Variants in PRKG1 observed in about 807,000 individuals in gnomAD.
PRKG1 encodes the protein cGMP-dependent protein kinase 1.
Under a neutral mutation model 88.1 loss-of-function variants are expected in PRKG1, and 35 were observed. The ratio of observed to expected loss-of-function variants is 0.40; its 90% CI spans 0.30 to 0.53. PRKG1 has a LOEUF of 0.53. Among genes scored for constraint, PRKG1 ranks in the 20% least tolerant of loss-of-function variants. The pLI, the probability that PRKG1 is intolerant of heterozygous loss-of-function variation, is 0.59. For synonymous variants in PRKG1, 303 were observed against 292.5 expected, an observed-to-expected ratio of 1.04 and a Z score of -0.37; for missense variants, 540 against 839.8, an observed-to-expected ratio of 0.64 and a Z score of 4.41.
At chr10:51,736,268 T>A (rs934803983) in intron 3 of PRKG1, among the ~76,000 whole-genome samples, 3 of 152,024 alleles carry the variant, frequency 2.0e-5, no homozygotes, top group African/African-American at 4.8e-5. Context: ...TTTAAAAAAA[T>A]TATTTATTAT....
At chr10:51,473,299 T>A (rs907338974) in intron 3 of PRKG1, among the ~76,000 whole-genome samples, 3 of 152,002 alleles carry the variant, frequency 2.0e-5, no homozygotes, top group African/African-American at 7.2e-5. Flanking sequence ...AGCCATGTTT[T>A]AATCTCATTT....
intron 2 of PRKG1, among the ~76,000 whole-genome samples, chr10:51,191,042 G>T (rs1837618694): frequency 6.6e-6 from 1 of 151,782 alleles, no homozygotes; most frequent in South Asian, 2.1e-4. Flanking sequence ...GTACAGCAGG[G>T]GCTGGAAAAT....
chr10:51,654,959 G>C (rs941915072), intron 3 of PRKG1, among the ~76,000 whole-genome samples: 1 of 152,106 alleles, frequency 6.6e-6, no homozygotes, highest in African/African-American at 2.4e-5. Flanking sequence ...TCAATCTTTT[G>C]TGAGGAAATT....
intron 3 of PRKG1, chr10:51,696,823 C>T (rs749005741): frequency 6.6e-6 from 1 of 152,070 alleles, no homozygotes; most frequent in Non-Finnish European, 1.5e-5. Context: ...CCATTTATAA[C>T]TCATCTAGAT....
intron 1 of PRKG1, among the ~76,000 whole-genome samples, chr10:51,125,541 G>A (rs1845373857): frequency 6.7e-6 from 1 of 149,608 alleles, no homozygotes; most frequent in South Asian, 2.1e-4. Flanking sequence ...AATTAGCTGG[G>A]CATGATGGCG....
chr10:51,729,932 C>G (rs1160619050), intron 3 of PRKG1, among the ~76,000 whole-genome samples: 1 of 152,034 alleles, frequency 6.6e-6, no homozygotes, highest in African/African-American at 2.4e-5. Flanking sequence ...CTCCCTGCTC[C>G]CATACCACAT....
chr10:51,909,740 G>A (rs762222892), intron 5 of PRKG1: 3 of 151,926 alleles, frequency 2.0e-5, no homozygotes. Context: ...AAAATCAGGA[G>A]CTTTTTGCTT....
At chr10:51,336,050 A>C (rs1331765486) in intron 2 of PRKG1, among the ~76,000 whole-genome samples, 1 of 152,210 alleles carries the variant, frequency 6.6e-6, no homozygotes, top group Non-Finnish European at 1.5e-5. Context: ...ACCAAAAATC[A>C]ATTAGAGAGC....
chr10:51,412,209 GAGAGAAAGAA>G (rs565786002), intron 2 of PRKG1, among the ~76,000 whole-genome samples: 23,240 of 125,164 alleles, frequency 0.19, 1,836 homozygotes, highest in Middle Eastern at 0.21. Context: ...GAGAGAGAGA[GAGAGAAAGAA>G]AGAGAGAAAG....
chr10:51,204,635 A>G (rs1257614074), intron 2 of PRKG1, among the ~76,000 whole-genome samples: 1 of 152,100 alleles, frequency 6.6e-6, no homozygotes, highest in East Asian at 1.9e-4. Context: ...TTACGGATTG[A>G]AAAAATTGCC....
chr10:51,057,647 T>G lies in PRKG1; in HGVS notation c.266+66003T>G, dbSNP rs139542307. Among the ~76,000 whole-genome samples the G allele has an allele frequency of 2.4e-3, 359 of 152,262 alleles. 1 individual carries two copies. Among genetic ancestry groups the G allele is most frequent in the African/African-American group, 8.1e-3 (338 of 41,558 alleles). The stretch of plus-strand genomic sequence containing the variant: ...GTGATATATATTCATTTATGTCTGG[T>G]GTATTTTGCTGAGTATTGTTTTGAG... On this transcript the variant is annotated intron_variant, in intron 1 of 17. Transcript: ENST00000401604.
chr10:51,226,121 T>C (rs1196699578), intron 2 of PRKG1, among the ~76,000 whole-genome samples: 4 of 152,136 alleles, frequency 2.6e-5, no homozygotes, highest in African/African-American at 9.7e-5. Context: ...TGAGAATTAC[T>C]TGAACCCGGG....
chr10:52,044,604 T>A (rs2133236302), intron 5 of PRKG1, among the ~76,000 whole-genome samples: 1 of 152,278 alleles, frequency 6.6e-6, no homozygotes, highest in East Asian at 1.9e-4. Context: ...AGGAATACGT[T>A]TTACACTTGG....
At chr10:51,930,480 AC>A (rs1436317381) in intron 5 of PRKG1, among the ~76,000 whole-genome samples, 2 of 143,796 alleles carry the variant, frequency 1.4e-5, no homozygotes, top group Non-Finnish European at 3.0e-5. Flanking sequence ...TTTTAAAAGA[AC>A]CTTTTTTTTT....
chr10:51,407,935 C>T (rs186470319), intron 2 of PRKG1, among the ~76,000 whole-genome samples: 34 of 152,204 alleles, frequency 2.2e-4, no homozygotes, highest in South Asian at 1.0e-3. Context: ...AGGAGCCTGG[C>T]GGCAATCTTA....
chr10:51,698,189 T>A, intron 3 of PRKG1: 1 of 1,614,108 alleles, frequency 6.2e-7, no homozygotes, highest in Non-Finnish European at 8.5e-7. Context: ...TCCTCTTGCA[T>A]CCATGCCCCT....
chr10:51,201,357 C>T (rs1488382413), intron 2 of PRKG1, among the ~76,000 whole-genome samples: 1 of 152,054 alleles, frequency 6.6e-6, no homozygotes, highest in Non-Finnish European at 1.5e-5. Context: ...GGGGCCGAGG[C>T]AGGAGAATCA....
chr10:51,699,610 G>C (rs1275974847), intron 3 of PRKG1: 1 of 1,533,214 alleles, frequency 6.5e-7, no homozygotes, highest in Non-Finnish European at 8.8e-7. Flanking sequence ...TCTTGCGACC[G>C]ACACTTCCGC....
intron 4 of PRKG1, among the ~76,000 whole-genome samples, chr10:51,886,737 A>G (rs1841579793): frequency 6.6e-6 from 1 of 152,122 alleles, no homozygotes; most frequent in Admixed American, 6.5e-5. Context: ...TTAGGGCTGA[A>G]ATAATGTTCT....
Sources: allele counts gnomAD v4.1 joint callset (sites outside exome capture counted in the v4.1 genomes callset), GRCh38; gene constraint gnomAD v4.1.1; transcripts MANE v1.5; gene names NCBI Gene and HGNC (gene_info 2026-07-23, HGNC 2026-07-21).